Variants in SH3RF1 observed in about 807,000 individuals in gnomAD.
SH3RF1 encodes the protein SH3 domain containing ring finger 1.
Under a neutral mutation model 74.0 loss-of-function variants are expected in SH3RF1, and 32 were observed. That is an observed-to-expected ratio of 0.43 (90% CI 0.33 to 0.58). The LOEUF is 0.58. Among genes scored for constraint, SH3RF1 ranks in the 20% least tolerant of loss-of-function variants. The pLI, the probability that SH3RF1 is intolerant of heterozygous loss-of-function variation, is 0.05. For missense variants in SH3RF1, 954 were observed against 1,130.9 expected (o/e 0.84, Z 2.24); for synonymous variants, 396 against 439.6 (o/e 0.90, Z 1.24).
chr4:169,229,122 C>T (rs6553423), intron 2 of SH3RF1, among the ~76,000 whole-genome samples: 99,067 of 151,976 alleles, frequency 0.65, 32,315 homozygotes, highest in Middle Eastern at 0.79. Flanking sequence ...TTTTGTTTTG[C>T]TTTTTGTTTT....
At chr4:169,162,454 A>G (rs1165386994) in intron 2 of SH3RF1, among the ~76,000 whole-genome samples, 1 of 152,182 alleles carries the variant, frequency 6.6e-6, no homozygotes, top group African/African-American at 2.4e-5. Flanking sequence ...TAATTCCACA[A>G]TAGTCCATCT....
chr4:169,119,794 G>A (rs1388479432), intron 8 of SH3RF1, among the ~76,000 whole-genome samples: 1 of 151,456 alleles, frequency 6.6e-6, no homozygotes, highest in Non-Finnish European at 1.5e-5. Flanking sequence ...TAAGCTATTT[G>A]TTTAAAATCA....
intron 1 of SH3RF1, 159 bp downstream of exon 1, chr4:169,270,700 G>T (rs1196424582): frequency 2.0e-5 from 3 of 152,378 alleles, no homozygotes; most frequent in African/African-American, 7.2e-5. Flanking sequence ...CTCCGCTTCC[G>T]CAGGTCCTGA....
chr4:169,251,511 C>T (rs6844022), intron 2 of SH3RF1, among the ~76,000 whole-genome samples: 5,763 of 152,186 alleles, frequency 0.038, 363 homozygotes, highest in African/African-American at 0.13. Flanking sequence ...ACAGGCTATC[C>T]GAAAAACAGA....
intron 2 of SH3RF1, among the ~76,000 whole-genome samples, chr4:169,162,557 AC>A (rs1734166428): frequency 6.6e-6 from 1 of 152,256 alleles, no homozygotes; most frequent in East Asian, 1.9e-4. Flanking sequence ...TCTACCTCCC[AC>A]CTACCCCAAA....
At chr4:169,182,791 T>C (rs1734533689) in intron 2 of SH3RF1, among the ~76,000 whole-genome samples, 1 of 152,190 alleles carries the variant, frequency 6.6e-6, no homozygotes, top group Non-Finnish European at 1.5e-5. Flanking sequence ...ATTTACTCTG[T>C]TTCCTTGAAG....
Position 169,256,420 on chromosome 4 carries a change from C to T in SH3RF1, c.393+12400G>A, listed in dbSNP as rs529490589. On this transcript the variant is annotated intron_variant, in intron 2 of 11. Coordinates refer to ENST00000284637, the MANE Select transcript of SH3RF1 (RefSeq NM_020870.4). ...GCTGACTGACTCAACCAGTGTCACACTATAGTCGTAAAACCAGAACTATCT... is the reference window on the plus strand; with the variant it reads ...GCTGACTGACTCAACCAGTGTCACATTATAGTCGTAAAACCAGAACTATCT... Among the ~76,000 whole-genome samples, 43 of 152,272 alleles carry T rather than the reference C, an allele frequency of 2.8e-4. 1 individual carries two copies. In the South Asian group the frequency reaches 8.3e-3, roughly 29 times the overall value.
At chr4:169,237,872 C>A (rs1416592365) in intron 2 of SH3RF1, among the ~76,000 whole-genome samples, 1 of 151,870 alleles carries the variant, frequency 6.6e-6, no homozygotes, top group East Asian at 2.0e-4. Flanking sequence ...TTTATGATTT[C>A]CCCCCCGCTC....
chr4:169,181,366 G>A (rs1438728113), intron 2 of SH3RF1, among the ~76,000 whole-genome samples: 5 of 149,800 alleles, frequency 3.3e-5, no homozygotes, highest in African/African-American at 7.4e-5. Context: ...AGGTTCAAGC[G>A]ATTCTCCTGC....
At chr4:169,099,903 C>G (rs1477614782) in intron 11 of SH3RF1, among the ~76,000 whole-genome samples, 1 of 152,062 alleles carries the variant, frequency 6.6e-6, no homozygotes, top group Non-Finnish European at 1.5e-5. Context: ...CAGTCTTGAT[C>G]GTATGAAGAC....
intron 2 of SH3RF1, among the ~76,000 whole-genome samples, chr4:169,189,990 A>G (rs1457475491): frequency 6.6e-6 from 1 of 152,246 alleles, no homozygotes; most frequent in East Asian, 1.9e-4. Context: ...GTCAAAAATG[A>G]AATCAAGATG....
intron 10 of SH3RF1, among the ~76,000 whole-genome samples, chr4:169,110,453 G>T (rs1312703026): frequency 6.6e-6 from 1 of 152,018 alleles, no homozygotes; most frequent in Non-Finnish European, 1.5e-5. Context: ...AACCAGATAG[G>T]ACCTCTGCTT....
chr4:169,191,064 G>T (rs1363697104), intron 2 of SH3RF1, among the ~76,000 whole-genome samples: 1 of 151,962 alleles, frequency 6.6e-6, no homozygotes, highest in Non-Finnish European at 1.5e-5. Flanking sequence ...CCTTACAAGG[G>T]ACATACCTCA....
chr4:169,268,921 T>C lies in SH3RF1; in HGVS notation c.292A>G (p.Arg98Gly), dbSNP rs1338534501. 3.1e-6 allele frequency: 5 copies of C among 1,613,976 alleles called. No individual in the cohort carries two copies. The highest frequency in any genetic ancestry group is 3.4e-6 in the Non-Finnish European group (4 of 1,180,042). ...GSGTNCTNAL[R>G]SQSSTVANCS... Reference sequence around the variant, plus strand: ...TTAGCCACAGTGCTGCTCTGAGACCTTAATGCATTTGTGCAGTTGGTCCCA... The same window carrying C: ...TTAGCCACAGTGCTGCTCTGAGACCCTAATGCATTTGTGCAGTTGGTCCCA... The change falls in exon 2 of 12, where the codon AGG becomes GGG. Residue 98 changes from arginine (R) to glycine (G), a missense_variant. Around this residue, in one of 3 missense-constraint regions of SH3RF1, gnomAD observed 854 missense variants for 962.5 expected, o/e 0.89. Coordinates refer to ENST00000284637, the MANE Select transcript of SH3RF1 (RefSeq NM_020870.4).
chr4:169,203,122 G>A (rs186976137), intron 2 of SH3RF1, among the ~76,000 whole-genome samples: 1 of 152,150 alleles, frequency 6.6e-6, no homozygotes, highest in African/African-American at 2.4e-5. Context: ...TTGACCAAAC[G>A]TCTCACAGAA....
chr4:169,200,862 G>A (rs1209237602), intron 2 of SH3RF1, among the ~76,000 whole-genome samples: 2 of 152,124 alleles, frequency 1.3e-5, no homozygotes, highest in African/African-American at 4.8e-5. Context: ...AAACTGGTAA[G>A]TTTCTAGAGC....
chr4:169,175,542 C>G (rs1734405958), intron 2 of SH3RF1, among the ~76,000 whole-genome samples: 1 of 152,164 alleles, frequency 6.6e-6, no homozygotes, highest in Non-Finnish European at 1.5e-5. Context: ...TCCTAATCAT[C>G]ATTCAGGTCT....
chr4:169,215,667 T>C (rs1730450864), intron 2 of SH3RF1, among the ~76,000 whole-genome samples: 1 of 152,236 alleles, frequency 6.6e-6, no homozygotes, highest in African/African-American at 2.4e-5. Flanking sequence ...TTTTGTTTAT[T>C]ATTGAAGTTT....
intron 2 of SH3RF1, among the ~76,000 whole-genome samples, chr4:169,175,755 G>T (rs1326778363): frequency 6.6e-6 from 1 of 152,088 alleles, no homozygotes; most frequent in East Asian, 1.9e-4. Flanking sequence ...GAGAATCACA[G>T]GCCTATATCC....
Sources: gnomAD v4.1 joint callset for allele counts (sites outside exome capture counted in the v4.1 genomes callset) on GRCh38, gnomAD v4.1.1 for gene constraint, gnomAD v4.1.1 regional missense constraint, MANE v1.5 for transcripts, NCBI Gene and HGNC (gene_info 2026-07-23, HGNC 2026-07-21) for gene names.